The following KIAA0825 variants were observed in gnomAD, a reference collection of about 807,000 sequenced individuals.
The protein encoded by KIAA0825 is uncharacterized protein KIAA0825.
KIAA0825 carries 119 observed loss-of-function variants against 147.6 expected under a neutral mutation model. That is an observed-to-expected ratio of 0.81 (90% CI 0.69 to 0.94). The LOEUF (loss-of-function observed/expected upper bound fraction) is 0.94. Ranked by LOEUF, KIAA0825 falls within the 40% of genes least tolerant of loss-of-function variation. KIAA0825 has a pLI of 0.00. For missense variants in KIAA0825, 1,381 were observed against 1,472.7 expected, an observed-to-expected ratio of 0.94 and a Z score of 1.02; for synonymous variants, 470 against 518.1, an observed-to-expected ratio of 0.91 and a Z score of 1.26.
intron 12 of KIAA0825, among the ~76,000 whole-genome samples, chr5:94,458,046 C>T (rs1189258085): frequency 1.3e-5 from 2 of 152,110 alleles, no homozygotes; most frequent in Admixed American, 1.3e-4. Context: ...CCCTGAAAAG[C>T]TTGAGATAAG....
intron 12 of KIAA0825, among the ~76,000 whole-genome samples, chr5:94,455,214 A>G (rs1286769318): frequency 6.6e-6 from 1 of 152,138 alleles, no homozygotes; most frequent in Non-Finnish European, 1.5e-5. Context: ...AAAGGAACGT[A>G]AGATGTAAAG....
At chr5:94,509,796 T>C (rs1308602619) in intron 5 of KIAA0825, among the ~76,000 whole-genome samples, 1 of 152,186 alleles carries the variant, frequency 6.6e-6, no homozygotes, top group Non-Finnish European at 1.5e-5. Flanking sequence ...CCTATTTCTC[T>C]TCAGGGTCCA....
At chr5:94,573,955 A>G (rs1213269415) in intron 2 of KIAA0825, among the ~76,000 whole-genome samples, 1 of 152,210 alleles carries the variant, frequency 6.6e-6, no homozygotes, top group Non-Finnish European at 1.5e-5. Flanking sequence ...GGCAAGATAA[A>G]AAAAAATCAG....
At chr5:94,565,286 G>A (rs1181168020) in intron 2 of KIAA0825, among the ~76,000 whole-genome samples, 1 of 148,644 alleles carries the variant, frequency 6.7e-6, no homozygotes, top group Non-Finnish European at 1.5e-5. Context: ...TCTGCTGCCA[G>A]AATGATCTTT....
chr5:94,432,928 A>G (rs1390488774), intron 14 of KIAA0825, among the ~76,000 whole-genome samples: 2 of 152,186 alleles, frequency 1.3e-5, no homozygotes, highest in Non-Finnish European at 2.9e-5. Flanking sequence ...ACCATACACA[A>G]CAAAACACCA....
chr5:94,191,367 C>T (rs572518923), intron 20 of KIAA0825, among the ~76,000 whole-genome samples: 3 of 152,208 alleles, frequency 2.0e-5, no homozygotes, highest in East Asian at 3.9e-4. Context: ...GGACTAAGCA[C>T]CCATACTCAC....
At chr5:94,210,056 G>A (rs1414992128) in intron 20 of KIAA0825, among the ~76,000 whole-genome samples, 3 of 152,178 alleles carry the variant, frequency 2.0e-5, no homozygotes, top group Non-Finnish European at 4.4e-5. Flanking sequence ...CTTGTCAATG[G>A]GCTTGTCTTC....
intron 20 of KIAA0825, among the ~76,000 whole-genome samples, chr5:94,206,462 T>C (rs1423299779): frequency 6.6e-6 from 1 of 152,168 alleles, no homozygotes; most frequent in Non-Finnish European, 1.5e-5. Context: ...TTCCTTCAGG[T>C]TTTATGCATA....
rs554326862 is a variant in KIAA0825 at position 94,527,600 on chromosome 5, A to T, written c.132-3502T>A. On this transcript the variant is annotated intron_variant, in intron 3 of 20. Transcript: ENST00000682413. ...TGGAAAACCCAAAATTTAAAAAAAA[A>T]TTTTAAAACTTTTACATTTTGATGC... Among the ~76,000 whole-genome samples, 438 of 152,152 alleles carry T rather than the reference A, an allele frequency of 2.9e-3. 4 individuals carry two copies. Among genetic ancestry groups the T allele is most frequent in the Non-Finnish European group, 4.7e-3 (322 of 67,948 alleles).
intron 20 of KIAA0825, among the ~76,000 whole-genome samples, chr5:94,247,196 TC>T (rs1231090687): frequency 1.3e-5 from 2 of 152,134 alleles, no homozygotes. Context: ...GTGTATTTTG[TC>T]TCTAAAAGTT....
At chr5:94,498,886 C>T (rs144350180) in intron 5 of KIAA0825, among the ~76,000 whole-genome samples, 397 of 152,314 alleles carry the variant, frequency 2.6e-3, no homozygotes, top group African/African-American at 9.1e-3. Context: ...GCTTGCCCTT[C>T]TTTACACTAA....
At chr5:94,230,187 A>C (rs1774564734) in intron 20 of KIAA0825, among the ~76,000 whole-genome samples, 1 of 152,194 alleles carries the variant, frequency 6.6e-6, no homozygotes, top group African/African-American at 2.4e-5. Context: ...TCTCCAGAAA[A>C]GAATCTCCCA....
intron 20 of KIAA0825, among the ~76,000 whole-genome samples, chr5:94,224,485 T>C (rs1320372260): frequency 6.6e-6 from 1 of 152,140 alleles, no homozygotes; most frequent in Non-Finnish European, 1.5e-5. Context: ...GAATATACTT[T>C]TTACTTTCTT....
At chr5:94,575,288 A>AGG (rs1780792813) in intron 2 of KIAA0825, among the ~76,000 whole-genome samples, 1 of 152,036 alleles carries the variant, frequency 6.6e-6, no homozygotes, top group Non-Finnish European at 1.5e-5. Context: ...CAACAGAGAG[A>AGG]GGAAGATCAA....
At chr5:94,273,592 G>T (rs1205938882) in intron 20 of KIAA0825, among the ~76,000 whole-genome samples, 1 of 152,020 alleles carries the variant, frequency 6.6e-6, no homozygotes, top group Non-Finnish European at 1.5e-5. Flanking sequence ...GTCCCAAATA[G>T]AATAGTTAAA....
intron 10 of KIAA0825, among the ~76,000 whole-genome samples, chr5:94,468,492 C>G (rs928720653): frequency 2.6e-5 from 4 of 152,204 alleles, no homozygotes; most frequent in Non-Finnish European, 5.9e-5. Context: ...CTACCAGCTG[C>G]ACCATACCAC....
chr5:94,359,284 T>G (rs1031341088), intron 20 of KIAA0825, among the ~76,000 whole-genome samples: 1 of 152,224 alleles, frequency 6.6e-6, no homozygotes, highest in African/African-American at 2.4e-5. Context: ...TCCCAAATTA[T>G]TCTAATGTTC....
chr5:94,593,735 AGTT>A (rs1784760677), intron 1 of KIAA0825: 1 of 375,154 alleles, frequency 2.7e-6, no homozygotes, highest in African/African-American at 2.1e-5. Context: ...AAACAATTAG[AGTT>A]GTTGAAGATA....
intron 5 of KIAA0825, among the ~76,000 whole-genome samples, chr5:94,501,327 C>T (rs73145039): frequency 0.013 from 1,939 of 152,252 alleles, 38 homozygotes; most frequent in African/African-American, 0.043. Context: ...AATTGGTTTG[C>T]ACCAGATACT....
Sources: gnomAD v4.1 joint callset for allele counts (sites outside exome capture counted in the v4.1 genomes callset) on GRCh38, gnomAD v4.1.1 for gene constraint, MANE v1.5 for transcripts, NCBI Gene and HGNC (gene_info 2026-07-23, HGNC 2026-07-21) for gene names.